The following RPS6KC1 variants were observed in gnomAD, a reference collection of about 807,000 sequenced individuals.
RPS6KC1 encodes inactive ribosomal protein S6 kinase delta-1.
RPS6KC1 carries 54 observed loss-of-function variants against 103.8 expected under a neutral mutation model. That is an observed-to-expected ratio of 0.52 (90% CI 0.42 to 0.65). The LOEUF (loss-of-function observed/expected upper bound fraction) is 0.65. Among genes scored for constraint, RPS6KC1 ranks in the 30% least tolerant of loss-of-function variants. The pLI, the probability that RPS6KC1 is intolerant of heterozygous loss-of-function variation, is 0.00. For missense variants in RPS6KC1, 1,151 were observed against 1,253.8 expected, an observed-to-expected ratio of 0.92 and a Z score of 1.24; for synonymous variants, 439 against 438.7, an observed-to-expected ratio of 1.00 and a Z score of -0.01.
intron 5 of RPS6KC1, among the ~76,000 whole-genome samples, chr1:213,125,548 A>C (rs1308215667): frequency 6.6e-6 from 1 of 151,836 alleles, no homozygotes; most frequent in Non-Finnish European, 1.5e-5. Flanking sequence ...TTGTCCTCTA[A>C]AAAGGTTAAA....
chr1:213,845,603 G>C, the RPS6KC1 span, among the ~76,000 whole-genome samples: 1 of 152,056 alleles, frequency 6.6e-6, no homozygotes, highest in East Asian at 1.9e-4. Context: ...CATTTTGGGG[G>C]CACCTATTAA....
the RPS6KC1 span, among the ~76,000 whole-genome samples, chr1:213,777,784 G>T: frequency 6.6e-6 from 1 of 152,148 alleles, no homozygotes; most frequent in Non-Finnish European, 1.5e-5. Context: ...TTCAAATGAA[G>T]TAGTCATCTA....
At chr1:213,196,978 G>A (rs772576397) in intron 8 of RPS6KC1, among the ~76,000 whole-genome samples, 85 of 152,002 alleles carry the variant, frequency 5.6e-4, no homozygotes, top group South Asian at 2.9e-3. Context: ...CTGGGATTAC[G>A]GGCATGTGCC....
intron 1 of RPS6KC1, among the ~76,000 whole-genome samples, chr1:213,069,517 C>T (rs1263569786): frequency 6.6e-6 from 1 of 152,146 alleles, no homozygotes; most frequent in Non-Finnish European, 1.5e-5. Flanking sequence ...CAAGGTTTGT[C>T]TGACTTTACA....
intron 8 of RPS6KC1, among the ~76,000 whole-genome samples, chr1:213,205,553 T>G (rs74139156): frequency 3.0e-5 from 4 of 135,590 alleles, no homozygotes; most frequent in Non-Finnish European, 6.5e-5. Flanking sequence ...TATAGATATA[T>G]ATATATATAT....
At chr1:213,277,489 G>C (rs1392950855), downstream of RPS6KC1, among the ~76,000 whole-genome samples, 1 of 152,184 alleles carries the variant, frequency 6.6e-6, no homozygotes, top group Non-Finnish European at 1.5e-5. Flanking sequence ...CACTTGGCAG[G>C]CATGTTGGCC....
the RPS6KC1 span, among the ~76,000 whole-genome samples, chr1:213,283,464 A>T: frequency 6.6e-6 from 1 of 152,162 alleles, no homozygotes; most frequent in Non-Finnish European, 1.5e-5. Context: ...ATGGTATGTG[A>T]GAGAGAGAAG....
At chr1:213,315,151 C>G in the RPS6KC1 span, among the ~76,000 whole-genome samples, 1 of 152,218 alleles carries the variant, frequency 6.6e-6, no homozygotes, top group Non-Finnish European at 1.5e-5. Context: ...TTAAAAGGAA[C>G]ATAACACTGA....
the RPS6KC1 span, among the ~76,000 whole-genome samples, chr1:213,443,063 G>A: frequency 4.6e-5 from 7 of 151,930 alleles, no homozygotes; most frequent in African/African-American, 1.7e-4. Context: ...TGGCGGCGAT[G>A]TTTCTCACTA....
the RPS6KC1 span, among the ~76,000 whole-genome samples, chr1:213,319,312 C>CAAAAA: frequency 1.2e-4 from 11 of 90,494 alleles, 1 homozygote; most frequent in Admixed American, 2.9e-4. Flanking sequence ...GACTCTGTCT[C>CAAAAA]AAAAAAAAAA....
At chr1:213,184,819 A>AT (rs1328718327) in intron 8 of RPS6KC1, among the ~76,000 whole-genome samples, 1 of 151,836 alleles carries the variant, frequency 6.6e-6, no homozygotes, top group African/African-American at 2.4e-5. Flanking sequence ...CTTGTTATTG[A>AT]TTTTGTGTTT....
chr1:213,457,484 C>T, the RPS6KC1 span, among the ~76,000 whole-genome samples: 1 of 89,220 alleles, frequency 1.1e-5, no homozygotes, highest in African/African-American at 3.2e-5. Context: ...TCTCACTGAG[C>T]AGGGACACTG....
the RPS6KC1 span, among the ~76,000 whole-genome samples, chr1:213,306,156 G>A: frequency 1.3e-5 from 2 of 152,174 alleles, no homozygotes; most frequent in Non-Finnish European, 2.9e-5. Context: ...ACCATAGCAG[G>A]TGATGAGAGT....
At chr1:213,747,418 C>A in the RPS6KC1 span, among the ~76,000 whole-genome samples, 2 of 152,058 alleles carry the variant, frequency 1.3e-5, no homozygotes, top group South Asian at 4.1e-4. Context: ...AGAGGAATTG[C>A]TAATAATTTA....
chr1:213,812,885 G>A, the RPS6KC1 span, among the ~76,000 whole-genome samples: 8 of 152,216 alleles, frequency 5.3e-5, no homozygotes, highest in Non-Finnish European at 1.2e-4. Context: ...ACCCATCATC[G>A]GACAGTTGAG....
the RPS6KC1 span, among the ~76,000 whole-genome samples, chr1:213,578,094 G>A: frequency 1.3e-4 from 20 of 152,232 alleles, no homozygotes; most frequent in Non-Finnish European, 2.5e-4. Flanking sequence ...ATGGTGCCCT[G>A]TGTCCCAGCC....
chr1:213,673,211 C>G, the RPS6KC1 span, among the ~76,000 whole-genome samples: 4 of 152,092 alleles, frequency 2.6e-5, no homozygotes, highest in South Asian at 8.3e-4. Context: ...ACTATTATTC[C>G]CAATGGAAAC....
At chr1:213,310,450 T>TC in the RPS6KC1 span, among the ~76,000 whole-genome samples, 6 of 152,204 alleles carry the variant, frequency 3.9e-5, no homozygotes. Context: ...ACTTTTTTTT[T>TC]CCCTCTGCCT....
chr1:213,497,880 GAAAAAATTT>G, the RPS6KC1 span, among the ~76,000 whole-genome samples: 1 of 151,766 alleles, frequency 6.6e-6, no homozygotes, highest in Non-Finnish European at 1.5e-5. Context: ...TAAATATGTA[GAAAAAATTT>G]AAAAAATTTA....
Sources: allele counts gnomAD v4.1 joint callset (sites outside exome capture counted in the v4.1 genomes callset), GRCh38; gene constraint gnomAD v4.1.1; transcripts MANE v1.5; gene names NCBI Gene and HGNC (gene_info 2026-07-23, HGNC 2026-07-21).